Variants in KDM2B observed in about 807,000 individuals in gnomAD.
The protein encoded by KDM2B is lysine demethylase 2B, also known as lysine-specific demethylase 2B.
In KDM2B, 26 loss-of-function variants were observed where a neutral mutation model predicts 150.0. The ratio of observed to expected loss-of-function variants is 0.17; its 90% CI spans 0.13 to 0.24. KDM2B has a LOEUF of 0.24. Among genes scored for constraint, KDM2B ranks in the 10% least tolerant of loss-of-function variants. KDM2B has a pLI of 1.00. For missense variants in KDM2B, 1,265 were observed against 1,816.9 expected (o/e 0.70, Z 5.52); for synonymous variants, 734 against 729.5 (o/e 1.01, Z -0.10).
At chr12:121,501,920 C>T (rs1480684146) in intron 11 of KDM2B, among the ~76,000 whole-genome samples, 1 of 152,070 alleles carries the variant, frequency 6.6e-6, no homozygotes, top group African/African-American at 2.4e-5. Flanking sequence ...CGTGCCTAGC[C>T]GAGAGTGTGA....
rs1296390500 is a variant in KDM2B at position 121,453,711 on chromosome 12, G to A, written c.1735-367C>T. Reference sequence around the variant, plus strand: ...GCAGCACATACCAGGAGCTGGAGGCGCGGGGAAGGACCCTCCCCTAGAGCC... The same window carrying A: ...GCAGCACATACCAGGAGCTGGAGGCACGGGGAAGGACCCTCCCCTAGAGCC... On this transcript the variant is annotated intron_variant, in intron 12 of 22. Transcript: ENST00000377071. This position sits in a 1 kb window ranked among gnomAD's most constrained non-coding sequence, Gnocchi z 6.4. Among the ~76,000 whole-genome samples the A allele has an allele frequency of 1.3e-5, 2 of 152,100 alleles. No homozygotes were observed. Among genetic ancestry groups the A allele is most frequent in the East Asian group, 1.9e-4 (1 of 5,188 alleles).
At chr12:121,415,173 G>T in the KDM2B span, 40 of 200,744 alleles carry the variant, frequency 2.0e-4, no homozygotes, top group Non-Finnish European at 2.9e-4. Context: ...AATCTATTCT[G>T]GTTTGTCTAC....
the KDM2B span, among the ~76,000 whole-genome samples, chr12:121,421,370 C>CT: frequency 1.2e-3 from 31 of 26,256 alleles, no homozygotes; most frequent in South Asian, 0.013. Flanking sequence ...GATCCCATCT[C>CT]TAAAAAAAAA....
intron 17 of KDM2B, chr12:121,443,286 G>T: frequency 1.7e-6 from 1 of 587,312 alleles, no homozygotes; most frequent in Non-Finnish European, 3.0e-6. Context: ...ACCTGGAGAT[G>T]TGCAGCCGCC....
At chr12:121,571,779 T>C (rs1566432732) in intron 4 of KDM2B, among the ~76,000 whole-genome samples, 1 of 151,064 alleles carries the variant, frequency 6.6e-6, no homozygotes, top group African/African-American at 2.4e-5. Flanking sequence ...GCCTCCCGAG[T>C]AGCTGGGATT....
downstream of KDM2B, among the ~76,000 whole-genome samples, chr12:121,425,066 C>T (rs573748673): frequency 6.6e-6 from 1 of 152,206 alleles, no homozygotes; most frequent in Admixed American, 6.5e-5. Context: ...AATCCTAGCA[C>T]TTTGGGAGGC....
chr12:121,500,177 G>T (rs1178942606), intron 11 of KDM2B, among the ~76,000 whole-genome samples: 4 of 151,962 alleles, frequency 2.6e-5, no homozygotes, highest in Non-Finnish European at 4.4e-5. Context: ...CTGAGAAATA[G>T]GTTGTGCTGG....
chr12:121,417,017 C>G, the KDM2B span, among the ~76,000 whole-genome samples: 1 of 152,200 alleles, frequency 6.6e-6, no homozygotes, highest in African/African-American at 2.4e-5. The surrounding 1 kb of genome is among the most constrained non-coding windows in gnomAD (Gnocchi z 5.0). Context: ...TGTGATTAGG[C>G]TGTGTAGTTT....
chr12:121,427,944 G>T (rs1380163127), downstream of KDM2B, among the ~76,000 whole-genome samples: 1 of 152,224 alleles, frequency 6.6e-6, no homozygotes, highest in South Asian at 2.1e-4. Context: ...CTGGATATCA[G>T]GGTAGCTATA....
Position 121,442,555 on chromosome 12 carries a change from C to T in KDM2B, c.2886G>A (p.Glu962=), listed in dbSNP as rs782623108. 1.2e-6 allele frequency: 2 copies of T among 1,600,258 alleles called. No individual in the cohort carries two copies. The highest frequency in any genetic ancestry group is 2.2e-5 in the South Asian group (2 of 91,070). ...GCTGGTTCTCGTTGGCCAGGCTGTT[C>T]TCCGTCCTCTGGATCTCGTGGTTGA... is the stretch of plus-strand genomic sequence containing the variant. ...KELNHEIQRT[E]NSLANENQQP... is the part of the protein sequence containing the mutation. Residue 962 remains glutamate, a synonymous_variant, in exon 19 of 23, where the codon GAG becomes GAA. Transcript: ENST00000377071. This position sits in a 1 kb window ranked among gnomAD's most constrained non-coding sequence, Gnocchi z 7.7.
intron 12 of KDM2B, among the ~76,000 whole-genome samples, chr12:121,489,609 T>G (rs545774271): frequency 5.9e-5 from 9 of 152,022 alleles, no homozygotes; most frequent in Admixed American, 5.2e-4. Flanking sequence ...CTGGCTAATT[T>G]TTGTATTTTT....
intron 6 of KDM2B, among the ~76,000 whole-genome samples, chr12:121,543,320 C>A (rs145724007): frequency 6.6e-6 from 1 of 152,136 alleles, no homozygotes; most frequent in African/African-American, 2.4e-5. Context: ...CTCACCACTG[C>A]GCTCCAGCCT....
chr12:121,454,407 A>G (rs1555292358), intron 12 of KDM2B, among the ~76,000 whole-genome samples: 2 of 152,160 alleles, frequency 1.3e-5, no homozygotes, highest in African/African-American at 4.8e-5. Flanking sequence ...AGGTGGACAG[A>G]GAGCTGGGCT....
chr12:121,423,565 T>G, the KDM2B span: 2 of 1,612,894 alleles, frequency 1.2e-6, no homozygotes, highest in Non-Finnish European at 1.7e-6. The surrounding 1 kb of genome is among the most constrained non-coding windows in gnomAD (Gnocchi z 4.3). Flanking sequence ...CGTGCACGTG[T>G]TCAAGTCCTG....
chr12:121,444,597 G>A (rs891052789), intron 14 of KDM2B, 61 bp from the exon 15 acceptor site: 10 of 1,418,112 alleles, frequency 7.1e-6, no homozygotes, highest in Non-Finnish European at 9.0e-6. Context: ...ACGGGCACAA[G>A]GCTCTGTGAC....
chr12:121,578,267 G>A (rs1555317162), intron 2 of KDM2B, among the ~76,000 whole-genome samples: 1 of 152,156 alleles, frequency 6.6e-6, no homozygotes. Context: ...GGGGGAATGC[G>A]GCTCTGCGGA....
At position 121,533,013 on chromosome 12, in the gene KDM2B, G is replaced by A. The variant is rs1887790758; in HGVS notation, c.778-54C>T. ...GAGACCCAGGCCCAGACAAGACCCA[G>A]AGAGAGGGCCCCACCTGCCTGGCGG... On this transcript the variant is annotated intron_variant, in intron 7 of 22. Transcript: ENST00000377071. This position sits in a 1 kb window ranked among gnomAD's most constrained non-coding sequence, Gnocchi z 4.1. The A allele has an allele frequency of 6.3e-7, 1 of 1,597,954 alleles. No homozygotes were observed. The highest frequency in any genetic ancestry group is 1.1e-5 in the South Asian group (1 of 90,238).
Position 121,430,160 on chromosome 12 carries a change from A to G in KDM2B, c.*128T>C. The G allele has an allele frequency of 6.2e-7, 1 of 1,614,212 alleles. No individual in the cohort carries two copies. The highest frequency in any genetic ancestry group is 8.5e-7 in the Non-Finnish European group (1 of 1,180,034). On this transcript the variant is annotated 3_prime_UTR_variant, in exon 23 of 23. Transcript: ENST00000377071. This position sits in a 1 kb window ranked among gnomAD's most constrained non-coding sequence, Gnocchi z 4.4. ...GTGGTTGAACAGCTTCTCCCTTGGAAAGACTTGCAAAATGGAATTGCGTTG... is the reference window on the plus strand; with the variant it reads ...GTGGTTGAACAGCTTCTCCCTTGGAGAGACTTGCAAAATGGAATTGCGTTG...
At chr12:121,477,471 A>G (rs1555296959) in intron 12 of KDM2B, among the ~76,000 whole-genome samples, 2 of 151,576 alleles carry the variant, frequency 1.3e-5, no homozygotes, top group Non-Finnish European at 2.9e-5. Flanking sequence ...ACACCCTCCA[A>G]CTCCTGAGCT....
Sources: gnomAD v4.1 joint callset for allele counts (sites outside exome capture counted in the v4.1 genomes callset) on GRCh38, gnomAD v4.1.1 for gene constraint, Gnocchi (gnomAD v3.1) non-coding constraint, MANE v1.5 for transcripts, NCBI Gene and HGNC (gene_info 2026-07-23, HGNC 2026-07-21) for gene names.